SLC8A1: variants seen among roughly 807,000 people sequenced by gnomAD.
SLC8A1 encodes solute carrier family 8 member A1.
In SLC8A1, 18 loss-of-function variants were observed where a neutral mutation model predicts 68.3. The observed-to-expected ratio is 0.26, with a 90% CI of 0.18 to 0.39. SLC8A1 has a LOEUF of 0.39. Among genes scored for constraint, SLC8A1 ranks in the 10% least tolerant of loss-of-function variants. The probability of loss-of-function intolerance (pLI) is 1.00; values close to 1 mark genes in which losing one functional copy is unlikely to be tolerated. For synonymous variants in SLC8A1, 475 were observed against 415.5 expected, an observed-to-expected ratio of 1.14 and a Z score of -1.74; for missense variants, 985 against 1,156.7, an observed-to-expected ratio of 0.85 and a Z score of 2.15.
At chr2:40,348,681 G>A (rs752440769) in intron 2 of SLC8A1, among the ~76,000 whole-genome samples, 16 of 152,104 alleles carry the variant, frequency 1.1e-4, no homozygotes, top group Non-Finnish European at 1.8e-4. Context: ...GGGTCTCAGG[G>A]CAGCTAGTGC....
At chr2:40,320,362 C>T (rs1023573467) in intron 2 of SLC8A1, among the ~76,000 whole-genome samples, 1 of 152,112 alleles carries the variant, frequency 6.6e-6, no homozygotes, top group Non-Finnish European at 1.5e-5. Flanking sequence ...ATTCTCCAAA[C>T]CATTATGTCC....
chr2:40,342,921 A>G (rs1668161686), intron 2 of SLC8A1, among the ~76,000 whole-genome samples: 1 of 152,140 alleles, frequency 6.6e-6, no homozygotes, highest in Admixed American at 6.5e-5. Flanking sequence ...ACTGGGTAAA[A>G]TGTGTCTGCA....
chr2:40,254,987 C>G (rs1040544483), intron 2 of SLC8A1: 1 of 151,926 alleles, frequency 6.6e-6, no homozygotes, highest in Admixed American at 6.6e-5. Context: ...TCGCCTGTTT[C>G]TAATTTATTT....
chr2:40,469,256 G>C (rs1703871385), intron 1 of SLC8A1, among the ~76,000 whole-genome samples: 1 of 152,234 alleles, frequency 6.6e-6, no homozygotes, highest in East Asian at 1.9e-4. Context: ...CTACATGTTG[G>C]AGGAGAGGCC....
intron 2 of SLC8A1, among the ~76,000 whole-genome samples, chr2:40,325,995 C>T (rs906291276): frequency 1.1e-4 from 17 of 152,016 alleles, no homozygotes; most frequent in Non-Finnish European, 1.9e-4. Flanking sequence ...CTTCTTCACA[C>T]GCCCACAGGG....
intron 2 of SLC8A1, among the ~76,000 whole-genome samples, chr2:40,325,594 C>T (rs2075725035): frequency 6.6e-6 from 1 of 151,614 alleles, no homozygotes; most frequent in African/African-American, 2.4e-5. Flanking sequence ...CTTTCAGATC[C>T]AGTCTTAAAA....
intron 2 of SLC8A1, among the ~76,000 whole-genome samples, chr2:40,376,520 T>C (rs2149529416): frequency 6.6e-6 from 1 of 152,252 alleles, no homozygotes; most frequent in South Asian, 2.1e-4. Context: ...CTCTGACATT[T>C]ACCTCATAAG....
intron 2 of SLC8A1, among the ~76,000 whole-genome samples, chr2:40,298,028 C>G (rs902730049): frequency 1.3e-5 from 2 of 152,180 alleles, no homozygotes; most frequent in African/African-American, 2.4e-5. Flanking sequence ...TACAGGTGTG[C>G]ACCACCACTC....
At chr2:40,499,335 C>T (rs143978610) in intron 1 of SLC8A1, among the ~76,000 whole-genome samples, 1 of 151,996 alleles carries the variant, frequency 6.6e-6, no homozygotes, top group Admixed American at 6.6e-5. Context: ...TCATTTTCCT[C>T]ATCTAAAAAT....
chr2:40,175,996 A>G (rs1011718023), intron 3 of SLC8A1: 1 of 447,952 alleles, frequency 2.2e-6, no homozygotes, highest in African/African-American at 2.0e-5. Context: ...TCTAGTGGAC[A>G]TATCATCCCA....
chr2:40,258,903 A>G (rs1320204035), intron 2 of SLC8A1, among the ~76,000 whole-genome samples: 3 of 151,426 alleles, frequency 2.0e-5, no homozygotes, highest in African/African-American at 4.9e-5. Flanking sequence ...ATATCCCCCA[A>G]TGGTTGTAAT....
chr2:40,245,873 C>G (rs997765508), intron 2 of SLC8A1, among the ~76,000 whole-genome samples: 2 of 152,106 alleles, frequency 1.3e-5, no homozygotes, highest in Non-Finnish European at 2.9e-5. Flanking sequence ...ATATACATTA[C>G]TTTCATTCGA....
chr2:40,226,533 G>A (rs1345940832), intron 2 of SLC8A1, among the ~76,000 whole-genome samples: 1 of 152,116 alleles, frequency 6.6e-6, no homozygotes, highest in Non-Finnish European at 1.5e-5. Flanking sequence ...CTAAATCCTT[G>A]CTCTACAAAG....
At chr2:40,317,284 G>A (rs1384612694) in intron 2 of SLC8A1, among the ~76,000 whole-genome samples, 1 of 152,018 alleles carries the variant, frequency 6.6e-6, no homozygotes, top group Non-Finnish European at 1.5e-5. Context: ...TCAGATTGAT[G>A]CAAGGCAGTG....
At chr2:40,219,006 T>A (rs2057916371) in intron 2 of SLC8A1, among the ~76,000 whole-genome samples, 1 of 63,414 alleles carries the variant, frequency 1.6e-5, no homozygotes, top group Non-Finnish European at 3.7e-5. Flanking sequence ...GGGCTTTCCC[T>A]CTGTAACACT....
chr2:40,128,321 T>C (rs1345776067), intron 7 of SLC8A1, among the ~76,000 whole-genome samples: 1 of 152,234 alleles, frequency 6.6e-6, no homozygotes, highest in Non-Finnish European at 1.5e-5. Context: ...TTATAGCCCC[T>C]ATTTTCTTCT....
chr2:40,112,183 A>G (rs1558389281), exon 8 of SLC8A1: 1 of 152,712 alleles, frequency 6.5e-6, no homozygotes, highest in Non-Finnish European at 1.5e-5. Flanking sequence ...ACATGAAAAC[A>G]AAAAATGAAG....
chr2:40,130,545 C>T (rs1330474285), intron 7 of SLC8A1, among the ~76,000 whole-genome samples: 1 of 152,224 alleles, frequency 6.6e-6, no homozygotes, highest in East Asian at 1.9e-4. Context: ...TGCCTCTTGG[C>T]CTGACTGCAG....
At chr2:40,382,844 A>C (rs1682338887) in intron 2 of SLC8A1, among the ~76,000 whole-genome samples, 1 of 152,108 alleles carries the variant, frequency 6.6e-6, no homozygotes, top group South Asian at 2.1e-4. Context: ...TAAAATTCCT[A>C]CTTTGACATT....
Sources: gnomAD v4.1 joint callset for allele counts (sites outside exome capture counted in the v4.1 genomes callset) on GRCh38, gnomAD v4.1.1 for gene constraint, MANE v1.5 for transcripts, NCBI Gene and HGNC (gene_info 2026-07-23, HGNC 2026-07-21) for gene names.